WDR27: variants seen among roughly 807,000 people sequenced by gnomAD.
The protein encoded by WDR27 is WD repeat domain 27, also known as WD repeat-containing protein 27.
WDR27 carries 100 observed loss-of-function variants against 114.4 expected under a neutral mutation model. That is an observed-to-expected ratio of 0.87 (90% CI 0.74 to 1.03). The LOEUF (loss-of-function observed/expected upper bound fraction) is 1.03. Ranked by LOEUF, WDR27 falls within the 50% of genes least tolerant of loss-of-function variation. The pLI is 0.00. For missense variants in WDR27, 1,129 were observed against 1,092.9 expected, an observed-to-expected ratio of 1.03 and a Z score of -0.47; for synonymous variants, 449 against 423.1, an observed-to-expected ratio of 1.06 and a Z score of -0.75.
At chr6:169,447,180 C>T in the WDR27 span, among the ~76,000 whole-genome samples, 1 of 152,192 alleles carries the variant, frequency 6.6e-6, no homozygotes, top group Non-Finnish European at 1.5e-5. Context: ...ACTAACTACA[C>T]ATGACTGGAA....
intron 1 of WDR27, among the ~76,000 whole-genome samples, chr6:169,700,979 G>A (rs1787806352): frequency 6.6e-6 from 1 of 152,114 alleles, no homozygotes; most frequent in Non-Finnish European, 1.5e-5. Context: ...CCTAACACTA[G>A]GTAAGCACTT....
intron 25 of WDR27, among the ~76,000 whole-genome samples, chr6:169,502,172 G>A (rs1356049079): frequency 6.6e-6 from 1 of 152,280 alleles, no homozygotes; most frequent in East Asian, 1.9e-4. Flanking sequence ...AGAGCAGCAG[G>A]CCCCCATGCA....
chr6:169,614,969 A>G (rs1240498492), intron 21 of WDR27, among the ~76,000 whole-genome samples: 1 of 152,202 alleles, frequency 6.6e-6, no homozygotes, highest in Non-Finnish European at 1.5e-5. Flanking sequence ...GAACAGAAAT[A>G]CTATGTAATG....
At chr6:169,470,248 C>T (rs1279222000) in intron 25 of WDR27, among the ~76,000 whole-genome samples, 1 of 152,172 alleles carries the variant, frequency 6.6e-6, no homozygotes, top group African/African-American at 2.4e-5. Flanking sequence ...TTTACATTCC[C>T]TCTCAGAAGA....
At chr6:169,602,966 C>G (rs982339960) in intron 22 of WDR27, among the ~76,000 whole-genome samples, 3 of 151,724 alleles carry the variant, frequency 2.0e-5, no homozygotes, top group African/African-American at 4.8e-5. Context: ...CTCAGCCTCC[C>G]AAGTAGCTGG....
chr6:169,481,580 T>C (rs1017553470), intron 25 of WDR27, among the ~76,000 whole-genome samples: 2 of 152,204 alleles, frequency 1.3e-5, no homozygotes. Flanking sequence ...GCTTCACTCC[T>C]GAGGCCAGTG....
intron 21 of WDR27, among the ~76,000 whole-genome samples, chr6:169,631,636 A>G (rs1312486241): frequency 6.6e-6 from 1 of 152,192 alleles, no homozygotes; most frequent in Non-Finnish European, 1.5e-5. Flanking sequence ...AGAGCCATCC[A>G]GACCGACATG....
intron 13 of WDR27, 70 bp downstream of exon 13, chr6:169,658,206 G>T: frequency 8.0e-7 from 1 of 1,242,630 alleles, no homozygotes; most frequent in Non-Finnish European, 1.2e-6. Flanking sequence ...GCAAAGCAAT[G>T]CAGCAGCCCT....
intron 6 of WDR27, chr6:169,666,914 G>C: frequency 1.0e-6 from 1 of 985,460 alleles, no homozygotes; most frequent in Middle Eastern, 5.2e-4. Context: ...GAAAGGCCCA[G>C]ACTCCAAGCA....
At position 169,645,047 on chromosome 6, in the gene WDR27, A is replaced by AT. The variant is rs1562796667; in HGVS notation, c.1658-1262_1658-1261insA. On this transcript the variant is annotated intron_variant, in intron 16 of 25. Coordinates refer to ENST00000448612, the MANE Select transcript of WDR27 (RefSeq NM_182552.5). Reference sequence around the variant, plus strand: ...ATAAAAAAAAAAAATAAAAAAAAAAAAAAAAAAAAAAGAAAATCCTAGTTC... The same window carrying AT: ...ATAAAAAAAAAAAATAAAAAAAAAAATAAAAAAAAAAAGAAAATCCTAGTTC... Among the ~76,000 whole-genome samples the AT allele has an allele frequency of 5.8e-4, 74 of 128,122 alleles. 16 individuals are homozygous for AT. The highest frequency in any genetic ancestry group is 2.2e-3 in the African/African-American group (66 of 30,130). 84.1% of individuals were successfully genotyped at this position (128,122 alleles called of 152,430 possible).
chr6:169,450,181 G>T, the WDR27 span, among the ~76,000 whole-genome samples: 1 of 152,158 alleles, frequency 6.6e-6, no homozygotes, highest in African/African-American at 2.4e-5. Context: ...CATGGGCACC[G>T]CTCTGCTCTG....
chr6:169,634,545 T>C lies in WDR27; in HGVS notation c.2004-20A>G, dbSNP rs1257070320. ...TTATATCTGGAAGAGAAAATCAAGATGATCAATATTTTTGCTTTCCTTCTG... is the reference window on the plus strand; with the variant it reads ...TTATATCTGGAAGAGAAAATCAAGACGATCAATATTTTTGCTTTCCTTCTG... On this transcript the variant is annotated intron_variant, in intron 19 of 25. Transcript: ENST00000448612. The C allele has an allele frequency of 2.5e-6, 4 of 1,570,536 alleles. No homozygotes were observed. The highest frequency in any genetic ancestry group is 3.5e-6 in the Non-Finnish European group (4 of 1,150,604).
intron 25 of WDR27, among the ~76,000 whole-genome samples, chr6:169,552,353 C>G (rs182661422): frequency 4.6e-5 from 7 of 152,302 alleles, no homozygotes; most frequent in Admixed American, 3.3e-4. Flanking sequence ...AACACAAACA[C>G]GCTGAAACGC....
intron 22 of WDR27, among the ~76,000 whole-genome samples, chr6:169,607,600 A>G (rs972089074): frequency 5.3e-5 from 8 of 152,266 alleles, no homozygotes; most frequent in African/African-American, 1.9e-4. Context: ...ATAGAGTATG[A>G]AACCATAGAC....
intron 23 of WDR27, among the ~76,000 whole-genome samples, chr6:169,587,712 T>G (rs1297136018): frequency 6.6e-6 from 1 of 152,246 alleles, no homozygotes; most frequent in Non-Finnish European, 1.5e-5. Context: ...ACAGTATGCC[T>G]TTCTCATAAC....
intron 25 of WDR27, among the ~76,000 whole-genome samples, chr6:169,549,058 C>G (rs545384496): frequency 6.6e-6 from 1 of 152,210 alleles, no homozygotes; most frequent in African/African-American, 2.4e-5. Flanking sequence ...AAAATCAGGA[C>G]TTCACTGGAA....
intron 25 of WDR27, among the ~76,000 whole-genome samples, chr6:169,536,367 T>C (rs1489434993): frequency 2.6e-5 from 4 of 152,152 alleles, no homozygotes; most frequent in African/African-American, 4.8e-5. Context: ...TACAGTGAAG[T>C]CATTAAATAT....
chr6:169,519,907 TC>T (rs1383749962), intron 25 of WDR27, among the ~76,000 whole-genome samples: 2 of 151,804 alleles, frequency 1.3e-5, no homozygotes, highest in Non-Finnish European at 2.9e-5. Context: ...ACATGGAAAA[TC>T]TCCCCCCAAC....
At chr6:169,563,194 C>A (rs1321901365) in intron 25 of WDR27, among the ~76,000 whole-genome samples, 1 of 152,156 alleles carries the variant, frequency 6.6e-6, no homozygotes, top group Non-Finnish European at 1.5e-5. Context: ...GCACTGTGGC[C>A]TCCGAGGCTG....
Sources: gnomAD v4.1 joint callset for allele counts (sites outside exome capture counted in the v4.1 genomes callset) on GRCh38, gnomAD v4.1.1 for gene constraint, MANE v1.5 for transcripts, NCBI Gene and HGNC (gene_info 2026-07-23, HGNC 2026-07-21) for gene names.